The following CCDC88A variants were observed in gnomAD, a reference collection of about 807,000 sequenced individuals.
CCDC88A encodes coiled-coil and HOOK domain protein 88A, also known as girdin.
Under a neutral mutation model 234.3 loss-of-function variants are expected in CCDC88A, and 54 were observed. That is an observed-to-expected ratio of 0.23 (90% confidence interval 0.19 to 0.29). The LOEUF is 0.29. Among genes scored for constraint, CCDC88A ranks in the 10% least tolerant of loss-of-function variants. The pLI is 1.00. For missense variants in CCDC88A, 1,832 were observed against 2,123.4 expected, an observed-to-expected ratio of 0.86 and a Z score of 2.70; for synonymous variants, 753 against 737.8, an observed-to-expected ratio of 1.02 and a Z score of -0.33.
intron 4 of CCDC88A, among the ~76,000 whole-genome samples, chr2:55,373,856 T>C (rs1673203031): frequency 6.6e-6 from 1 of 152,196 alleles, no homozygotes; most frequent in Non-Finnish European, 1.5e-5. Flanking sequence ...AGAGGGGGTA[T>C]GGGCTGAAGA....
intron 2 of CCDC88A, among the ~76,000 whole-genome samples, chr2:55,407,545 T>C (rs1679801655): frequency 6.6e-6 from 1 of 150,784 alleles, no homozygotes. Flanking sequence ...GCAGAGGTTG[T>C]AGTGAGCCAA....
chr2:55,391,991 T>C (rs772928626), intron 2 of CCDC88A, among the ~76,000 whole-genome samples: 3 of 152,214 alleles, frequency 2.0e-5, no homozygotes, highest in East Asian at 1.9e-4. Flanking sequence ...CTAGACATTT[T>C]AGAAGGGTTG....
rs147403242 is a variant in CCDC88A, at chr2:55,312,937, G to T, written c.3934-358C>A. ...TTTCTATGAAATGTTAGACAAGTAA[G>T]TTCTCAGATCTATGAAATGAGGATA... On this transcript the variant is annotated intron_variant, in intron 22 of 32. Transcript: ENST00000436346. 1.3e-4 allele frequency: 22 copies of T among 169,784 alleles called. No individual in the cohort carries two copies. In the Middle Eastern group the frequency reaches 8.9e-3, roughly 69 times the overall value. 10.5% of individuals were successfully genotyped at this position (169,784 alleles called of 1,614,324 possible). A position where few individuals can be genotyped will look rare whatever the true frequency, so the allele number is the denominator to read the frequency against.
chr2:55,384,473 CATATTTAATTAT>C lies in CCDC88A; in HGVS notation c.273+4293_273+4304del, dbSNP rs1242932085. Among the ~76,000 whole-genome samples the C allele has an allele frequency of 2.0e-4, 28 of 137,906 alleles. 1 individual carries two copies. Among genetic ancestry groups the C allele is most frequent in the African/African-American group, 6.1e-4 (22 of 36,200 alleles). 90.5% of individuals were successfully genotyped at this position (137,906 alleles called of 152,430 possible). A position where few individuals can be genotyped will look rare whatever the true frequency, so the allele number is the denominator to read the frequency against. ...TTCTATATGAACTTGCTTAAATATA[CATATTTAATTAT>C]ATATTTAATTATATATTGAATATTA... On this transcript the variant is annotated intron_variant, in intron 3 of 32. Transcript: ENST00000436346.
chr2:55,384,991 T>A (rs1280196917), intron 3 of CCDC88A, among the ~76,000 whole-genome samples: 1 of 152,086 alleles, frequency 6.6e-6, no homozygotes. Context: ...TCAGGGTTGG[T>A]TGCACAACAA....
chr2:55,365,909 G>A (rs981743006), intron 5 of CCDC88A, among the ~76,000 whole-genome samples: 35 of 152,306 alleles, frequency 2.3e-4, no homozygotes, highest in African/African-American at 8.2e-4. Context: ...TACCTGAAAT[G>A]TAGCTAGTGC....
intron 7 of CCDC88A, among the ~76,000 whole-genome samples, chr2:55,357,910 TAC>T (rs1224868966): frequency 6.6e-6 from 1 of 152,174 alleles, no homozygotes; most frequent in African/African-American, 2.4e-5. Flanking sequence ...ATTCAATACA[TAC>T]AGTTTTCTCC....
intron 23 of CCDC88A, among the ~76,000 whole-genome samples, chr2:55,311,362 A>G (rs1042275597): frequency 1.3e-5 from 2 of 152,240 alleles, no homozygotes; most frequent in Admixed American, 1.3e-4. Flanking sequence ...TGTATTAATA[A>G]AGAAATAATG....
chr2:55,303,052 C>G lies in CCDC88A; in HGVS notation c.4471+17G>C. 1.4e-6 allele frequency: 2 copies of G among 1,479,200 alleles called. No homozygotes were observed. The highest frequency in any genetic ancestry group is 1.9e-6 in the Non-Finnish European group (2 of 1,081,072). The allele number at this position is 1,479,200 out of a possible 1,614,324, so 91.6% of individuals were successfully genotyped here. A position where few individuals can be genotyped will look rare whatever the true frequency, so the allele number is the denominator to read the frequency against. On this transcript the variant is annotated intron_variant, in intron 26 of 32. Coordinates refer to ENST00000436346, the MANE Select transcript of CCDC88A (RefSeq NM_001365480.1). Reference sequence around the variant, plus strand: ...GTGTAGTCAGTTGAAAGAAGCTGAACTGTCATAAAGTCTTACACATGGAAC... The same window carrying G: ...GTGTAGTCAGTTGAAAGAAGCTGAAGTGTCATAAAGTCTTACACATGGAAC...
chr2:55,376,875 A>C (rs1482830585), intron 3 of CCDC88A, among the ~76,000 whole-genome samples: 3 of 152,196 alleles, frequency 2.0e-5, no homozygotes, highest in African/African-American at 7.2e-5. Flanking sequence ...TCTGTCACCC[A>C]GGCTGGAGTG....
intron 5 of CCDC88A, among the ~76,000 whole-genome samples, chr2:55,370,674 T>G (rs1057442209): frequency 7.1e-6 from 1 of 140,818 alleles, no homozygotes; most frequent in African/African-American, 2.7e-5. Flanking sequence ...AAAAGAGAAT[T>G]AACTTGCATA....
intron 5 of CCDC88A, among the ~76,000 whole-genome samples, chr2:55,371,452 G>A (rs1480172536): frequency 6.6e-6 from 1 of 152,142 alleles, no homozygotes; most frequent in African/African-American, 2.4e-5. Context: ...AAAGAAGTGA[G>A]ACAGTTTAAA....
In CCDC88A at chr2:55,316,095, G is replaced by A; in HGVS notation, c.3766C>T (p.Gln1256Ter). The change falls in exon 22 of 33, where the codon CAA becomes TAA. Residue 1256 changes from glutamine (Q) to a stop codon, truncating the protein, a stop_gained. Transcript: ENST00000436346. LOFTEE classifies it high-confidence loss of function. ...AAAACTTCAGTCTCTTTTAAAAGTT[G>A]ACTATAGGTATGATTCAGCCTATAA... ...ENDRLNHTYS[Q>*]LLKETEVLQT... The A allele has an allele frequency of 6.7e-7, 1 of 1,499,762 alleles. No homozygotes were observed. The highest frequency in any genetic ancestry group is 1.4e-5 in the African/African-American group (1 of 71,444). 92.9% of individuals were successfully genotyped at this position (1,499,762 alleles called of 1,614,324 possible).
At chr2:55,296,707 C>T (rs1056112268) in intron 29 of CCDC88A, 184 bp from the exon 30 acceptor site, 2 of 619,490 alleles carry the variant, frequency 3.2e-6, no homozygotes, top group African/African-American at 3.7e-5. Context: ...CTGCCATAGC[C>T]TGCTTCCTTA....
intron 18 of CCDC88A, among the ~76,000 whole-genome samples, chr2:55,322,081 G>A (rs1683710279): frequency 6.6e-6 from 1 of 152,064 alleles, no homozygotes; most frequent in African/African-American, 2.4e-5. Context: ...TATTTGTTAA[G>A]TGTCTACTAC....
At chr2:55,315,023 A>G (rs570328686) in intron 22 of CCDC88A, 1 of 152,310 alleles carries the variant, frequency 6.6e-6, no homozygotes, top group Admixed American at 6.5e-5. Flanking sequence ...TCTCTTGAAC[A>G]GTTTTCTGGA....
At chr2:55,392,352 G>A (rs1676789246) in intron 2 of CCDC88A, among the ~76,000 whole-genome samples, 1 of 152,026 alleles carries the variant, frequency 6.6e-6, no homozygotes, top group Non-Finnish European at 1.5e-5. Flanking sequence ...GTCATATTCT[G>A]CATGAGCAAA....
rs769171827 is a variant in CCDC88A, at chr2:55,296,454, T to C, written c.4895A>G (p.His1632Arg). 5.6e-6 allele frequency: 9 copies of C among 1,614,102 alleles called. No homozygotes were observed. The Admixed American group carries it at 1.3e-4, about 24-fold the overall frequency. Residue 1632 changes from histidine to arginine, a missense_variant, in exon 30 of 33, where the codon CAT becomes CGT. Physicochemically the swap from His to Arg is conservative, Grantham distance 29. Coordinates refer to ENST00000436346, the MANE Select transcript of CCDC88A (RefSeq NM_001365480.1). ...SSGEFSLLHD[H>R]EAWSSSGSSP... ...GCTACCACTGCTGGACCAAGCCTCA[T>C]GGTCATGAAGCAGGCTAAATTCTCC...
Position 55,315,908 on chromosome 2 carries a change from ATTAAAC to A in CCDC88A, c.3933+14_3933+19del, listed in dbSNP as rs1395441929. The A allele has an allele frequency of 7.0e-7, 1 of 1,424,686 alleles. No homozygotes were observed. Among genetic ancestry groups the A allele is most frequent in the African/African-American group, 1.5e-5 (1 of 68,582 alleles). The allele number at this position is 1,424,686 out of a possible 1,614,324, so 88.3% of individuals were successfully genotyped here. A position where few individuals can be genotyped will look rare whatever the true frequency, so the allele number is the denominator to read the frequency against. On this transcript the variant is annotated intron_variant, in intron 22 of 32. Coordinates refer to ENST00000436346, the MANE Select transcript of CCDC88A (RefSeq NM_001365480.1). Reference sequence around the variant, plus strand: ...TGGTGCCTAAATGAAGGACACAGTGATTAAACTTTTTAAGCTCACCTCACACTGGTT... The same window carrying A: ...TGGTGCCTAAATGAAGGACACAGTGATTTTTAAGCTCACCTCACACTGGTT...
Sources: allele counts gnomAD v4.1 joint callset (sites outside exome capture counted in the v4.1 genomes callset), GRCh38; gene constraint gnomAD v4.1.1; transcripts MANE v1.5; gene names NCBI Gene and HGNC (gene_info 2026-07-23, HGNC 2026-07-21).